The following CHSY3 variants were observed in gnomAD, a reference collection of about 807,000 sequenced individuals.
The protein encoded by CHSY3 is chondroitin sulfate synthase 3.
A neutral mutation model predicts 67.2 loss-of-function variants in CHSY3; 35 were observed. The ratio of observed to expected loss-of-function variants is 0.52; its 90% CI spans 0.40 to 0.69. The LOEUF is 0.69. Among genes scored for constraint, CHSY3 ranks in the 30% least tolerant of loss-of-function variants. The pLI is 0.00. For missense variants in CHSY3, 1,069 were observed against 1,138.5 expected, an observed-to-expected ratio of 0.94 and a Z score of 0.88; for synonymous variants, 474 against 434.7, an observed-to-expected ratio of 1.09 and a Z score of -1.12.
At chr5:130,089,208 T>C (rs990970805) in intron 2 of CHSY3, among the ~76,000 whole-genome samples, 3 of 116,364 alleles carry the variant, frequency 2.6e-5, no homozygotes, top group Non-Finnish European at 5.0e-5. Flanking sequence ...AACATCACAC[T>C]CTGGGGACTG....
chr5:130,124,704 C>T (rs552311291), intron 2 of CHSY3, among the ~76,000 whole-genome samples: 59 of 152,306 alleles, frequency 3.9e-4, no homozygotes, highest in African/African-American at 1.4e-3. Flanking sequence ...GCAGTCCACC[C>T]GCCTTGGCCT....
At chr5:129,913,816 ATTTCATAAGACTAAC>A (rs1006699588) in intron 2 of CHSY3, among the ~76,000 whole-genome samples, 7 of 152,164 alleles carry the variant, frequency 4.6e-5, no homozygotes, top group Non-Finnish European at 7.4e-5. Context: ...TTTAAAAATT[ATTTCATAAGACTAAC>A]TAGATTTTCA....
chr5:130,117,560 GT>G (rs550851870), intron 2 of CHSY3, among the ~76,000 whole-genome samples: 3 of 151,798 alleles, frequency 2.0e-5, no homozygotes, highest in Admixed American at 6.6e-5. Flanking sequence ...TGTTTCCCTG[GT>G]TTTTTTGTTC....
chr5:130,092,895 G>T (rs1304650245), intron 2 of CHSY3, among the ~76,000 whole-genome samples: 1 of 152,158 alleles, frequency 6.6e-6, no homozygotes, highest in Non-Finnish European at 1.5e-5. Context: ...CAGGAGGCAG[G>T]TAGTCAGTTA....
intron 2 of CHSY3, among the ~76,000 whole-genome samples, chr5:130,111,995 A>G (rs1471900784): frequency 1.3e-5 from 2 of 152,098 alleles, no homozygotes; most frequent in Non-Finnish European, 2.9e-5. Context: ...AAAGAATTGG[A>G]TTAAACAGTT....
At chr5:130,139,884 C>T (rs897215797) in intron 2 of CHSY3, 1 of 152,200 alleles carries the variant, frequency 6.6e-6, no homozygotes, top group African/African-American at 2.4e-5. Context: ...CTACTTCCTA[C>T]TACAGCTAAG....
At chr5:130,184,145 T>C (rs899999298) in intron 2 of CHSY3, 84 bp from the exon 3 acceptor site, 22 of 1,262,866 alleles carry the variant, frequency 1.7e-5, no homozygotes, top group Non-Finnish European at 2.2e-5. Context: ...AACATTTTCA[T>C]TTAGATGCTT....
chr5:130,043,004 T>A (rs1405542105), intron 2 of CHSY3, among the ~76,000 whole-genome samples: 2 of 152,100 alleles, frequency 1.3e-5, no homozygotes, highest in African/African-American at 4.8e-5. Context: ...CAGATAGTTA[T>A]CCTAAAGCTG....
At chr5:129,958,942 G>T (rs191460122) in intron 2 of CHSY3, among the ~76,000 whole-genome samples, 1 of 151,964 alleles carries the variant, frequency 6.6e-6, no homozygotes, top group Non-Finnish European at 1.5e-5. Context: ...ATAAAATATA[G>T]GACTCAGTAT....
At chr5:129,930,749 G>C (rs184114537) in intron 2 of CHSY3, among the ~76,000 whole-genome samples, 1 of 152,176 alleles carries the variant, frequency 6.6e-6, no homozygotes, top group South Asian at 2.1e-4. Context: ...TTGTCAAAAA[G>C]CCATGGGAAG....
At chr5:129,912,237 A>G (rs1760586995) in intron 2 of CHSY3, among the ~76,000 whole-genome samples, 1 of 152,152 alleles carries the variant, frequency 6.6e-6, no homozygotes, top group Admixed American at 6.5e-5. Context: ...ATACATATAT[A>G]AAGAATCCCA....
intron 2 of CHSY3, among the ~76,000 whole-genome samples, chr5:130,086,546 TC>T (rs1766636833): frequency 2.0e-5 from 3 of 151,734 alleles, no homozygotes; most frequent in African/African-American, 7.3e-5. Context: ...ACACCACCAA[TC>T]CCACAGAAAT....
intron 2 of CHSY3, among the ~76,000 whole-genome samples, chr5:130,027,146 G>A (rs1764569523): frequency 6.6e-6 from 1 of 152,114 alleles, no homozygotes; most frequent in South Asian, 2.1e-4. Context: ...ACACAGGGAA[G>A]GAGTTTCATG....
chr5:130,174,072 T>A (rs249603), intron 2 of CHSY3, among the ~76,000 whole-genome samples: 125,025 of 151,946 alleles, frequency 0.82, 51,975 homozygotes, highest in Middle Eastern at 0.9. Context: ...ATAAAATGGG[T>A]TTAATATTTG....
At chr5:130,098,560 GATA>G (rs1033304712) in intron 2 of CHSY3, among the ~76,000 whole-genome samples, 1 of 152,132 alleles carries the variant, frequency 6.6e-6, no homozygotes, top group African/African-American at 2.4e-5. Flanking sequence ...AAAAAAAATG[GATA>G]ATAATAACGT....
At chr5:130,146,267 C>A (rs1769071585) in intron 2 of CHSY3, among the ~76,000 whole-genome samples, 1 of 151,994 alleles carries the variant, frequency 6.6e-6, no homozygotes, top group Non-Finnish European at 1.5e-5. Flanking sequence ...TATTATCTAG[C>A]CATAAAAAAG....
At chr5:130,099,856 G>A (rs1260210789) in intron 2 of CHSY3, among the ~76,000 whole-genome samples, 1 of 152,122 alleles carries the variant, frequency 6.6e-6, no homozygotes, top group Non-Finnish European at 1.5e-5. Context: ...AGAGCTGACT[G>A]TTCAATGTAG....
chr5:130,006,631 T>C (rs558562240), intron 2 of CHSY3, among the ~76,000 whole-genome samples: 38 of 152,308 alleles, frequency 2.5e-4, no homozygotes, highest in African/African-American at 9.1e-4. Flanking sequence ...GAATAACACA[T>C]CAGCAAAAGT....
intron 2 of CHSY3, among the ~76,000 whole-genome samples, chr5:130,105,845 T>G (rs543943055): frequency 5.3e-5 from 8 of 151,800 alleles, no homozygotes; most frequent in African/African-American, 1.9e-4. Flanking sequence ...GAAAAAGTGA[T>G]AGGCAGCAAT....
Sources: gnomAD v4.1 joint callset for allele counts (sites outside exome capture counted in the v4.1 genomes callset) on GRCh38, gnomAD v4.1.1 for gene constraint, MANE v1.5 for transcripts, NCBI Gene and HGNC (gene_info 2026-07-23, HGNC 2026-07-21) for gene names.